The following WWOX variants were observed in gnomAD, a reference collection of about 807,000 sequenced individuals.
WWOX encodes the protein WW domain containing oxidoreductase.
In WWOX, 69 loss-of-function variants were observed where a neutral mutation model predicts 46.2. The ratio of observed to expected loss-of-function variants is 1.49; its 90% CI spans 1.23 to 1.82. WWOX has a LOEUF of 1.82. Among genes scored for constraint, WWOX ranks in the 40% most tolerant of loss-of-function variants. The pLI, the probability that WWOX is intolerant of heterozygous loss-of-function variation, is 0.00. For missense variants in WWOX, 919 were observed against 542.6 expected, an observed-to-expected ratio of 1.69 and a Z score of -6.89; for synonymous variants, 359 against 202.6, an observed-to-expected ratio of 1.77 and a Z score of -6.56.
chr16:78,962,296 G>A (rs1293332153), intron 8 of WWOX, among the ~76,000 whole-genome samples: 12 of 89,094 alleles, frequency 1.3e-4, no homozygotes, highest in African/African-American at 5.0e-4. Flanking sequence ...GAGTCAGCAA[G>A]GCATCCTTTT....
At chr16:79,096,173 C>A (rs566228671) in intron 8 of WWOX, among the ~76,000 whole-genome samples, 2 of 151,986 alleles carry the variant, frequency 1.3e-5, no homozygotes, top group Non-Finnish European at 2.9e-5. Context: ...TGACCACAGT[C>A]CTTTCTTTTA....
intron 8 of WWOX, among the ~76,000 whole-genome samples, chr16:78,676,034 T>G (rs1448188872): frequency 1.3e-5 from 2 of 151,984 alleles, no homozygotes; most frequent in Non-Finnish European, 2.9e-5. Flanking sequence ...TTTTTTAGCT[T>G]CTTCTCCGCT....
chr16:78,229,468 C>CTCTT (rs936155865), intron 5 of WWOX, among the ~76,000 whole-genome samples: 9 of 145,404 alleles, frequency 6.2e-5, no homozygotes, highest in African/African-American at 2.3e-4. Flanking sequence ...TGTTTTATCT[C>CTCTT]TCTCTATATG....
intron 8 of WWOX, among the ~76,000 whole-genome samples, chr16:78,650,765 C>T (rs1334971472): frequency 1.3e-5 from 2 of 152,138 alleles, no homozygotes; most frequent in East Asian, 1.9e-4. Flanking sequence ...GTTTCCATGC[C>T]ATGTCTCCCC....
intron 8 of WWOX, among the ~76,000 whole-genome samples, chr16:78,606,637 A>G (rs955677460): frequency 4.0e-5 from 6 of 151,892 alleles, no homozygotes; most frequent in Non-Finnish European, 7.4e-5. Context: ...AGTGACACGA[A>G]GTTGAATATG....
intron 8 of WWOX, among the ~76,000 whole-genome samples, chr16:78,617,786 C>A (rs1001078212): frequency 2.6e-5 from 4 of 152,120 alleles, no homozygotes; most frequent in Non-Finnish European, 4.4e-5. Flanking sequence ...CCACATGTTG[C>A]CTCCAGCATC....
intron 8 of WWOX, among the ~76,000 whole-genome samples, chr16:79,193,049 G>A (rs1246811005): frequency 6.6e-6 from 1 of 152,234 alleles, no homozygotes; most frequent in Non-Finnish European, 1.5e-5. Flanking sequence ...AACTGCCAAA[G>A]AGTTGCCAAT....
intron 8 of WWOX, among the ~76,000 whole-genome samples, chr16:78,745,970 G>C (rs1444105118): frequency 6.6e-6 from 1 of 152,064 alleles, no homozygotes; most frequent in African/African-American, 2.4e-5. Context: ...CTATGAACTG[G>C]AACCCTGCAC....
At chr16:78,892,518 A>G (rs1251768745) in intron 8 of WWOX, among the ~76,000 whole-genome samples, 3 of 152,212 alleles carry the variant, frequency 2.0e-5, no homozygotes, top group East Asian at 1.9e-4. Context: ...ACACATGTCA[A>G]GAAGTGGGAG....
At chr16:78,724,925 T>G (rs1433738962) in intron 8 of WWOX, among the ~76,000 whole-genome samples, 1 of 152,170 alleles carries the variant, frequency 6.6e-6, no homozygotes. Context: ...TAGTAGTGAT[T>G]CCAGGTACGT....
rs180953099 is a variant in WWOX at position 78,923,885 on chromosome 16, C to T, written c.1057-287723C>T. Among the ~76,000 whole-genome samples the T allele has an allele frequency of 2.8e-3, 423 of 150,230 alleles. 2 individuals are homozygous for T. Among genetic ancestry groups the T allele is most frequent in the African/African-American group, 9.7e-3 (396 of 40,694 alleles). On this transcript the variant is annotated intron_variant, in intron 8 of 8. Transcript: ENST00000566780. The stretch of plus-strand genomic sequence containing the variant: ...CGCGATCTCGGTTCACTGCAACCTC[C>T]GCCTCCTGGGTTCATGCCATTCTCC...
rs371970103 is a variant in WWOX, at chr16:78,590,182, TAAA to T, written c.1056+157435_1056+157437del. Among the ~76,000 whole-genome samples, 61 of 142,406 alleles carry T rather than the reference TAAA, an allele frequency of 4.3e-4. No individual in the cohort carries two copies. The East Asian group carries it at 7.6e-3, about 18-fold the overall frequency. The allele number at this position is 142,406 out of a possible 152,430, so 93.4% of individuals were successfully genotyped here. Reference sequence around the variant, plus strand: ...TCTCTCTGTTTATTATAGATAGAAATAAAAAAATTATAAATAGAAATTTATTTC... The same window carrying T: ...TCTCTCTGTTTATTATAGATAGAAATAAAATTATAAATAGAAATTTATTTC... On this transcript the variant is annotated intron_variant, in intron 8 of 8. Coordinates refer to ENST00000566780, the MANE Select transcript of WWOX (RefSeq NM_016373.4).
At chr16:78,559,323 G>A (rs1442607425) in intron 8 of WWOX, among the ~76,000 whole-genome samples, 1 of 152,212 alleles carries the variant, frequency 6.6e-6, no homozygotes, top group Non-Finnish European at 1.5e-5. Flanking sequence ...ACTGGTAGCA[G>A]GTGGGCTCCT....
chr16:78,687,977 TG>T (rs1159507667), intron 8 of WWOX, among the ~76,000 whole-genome samples: 2 of 152,190 alleles, frequency 1.3e-5, no homozygotes, highest in Non-Finnish European at 2.9e-5. Context: ...GTGGTACAAA[TG>T]AACTTGCTAC....
intron 8 of WWOX, among the ~76,000 whole-genome samples, chr16:79,042,728 G>GTTTTTTTTT (rs11379084): frequency 1.4e-5 from 2 of 143,124 alleles, no homozygotes. Flanking sequence ...AATACTCAGG[G>GTTTTTTTTT]TTTTTTTTTT....
chr16:78,313,745 T>A (rs564497856), intron 5 of WWOX, among the ~76,000 whole-genome samples: 19 of 152,314 alleles, frequency 1.2e-4, no homozygotes, highest in African/African-American at 4.6e-4. Flanking sequence ...AGTCCCCTTG[T>A]CTACATTTTG....
chr16:78,933,300 A>G (rs542159427), intron 8 of WWOX, among the ~76,000 whole-genome samples: 4 of 152,332 alleles, frequency 2.6e-5, no homozygotes, highest in South Asian at 2.1e-4. Context: ...TTAGCTGAGC[A>G]TGGTGTCACA....
intron 8 of WWOX, among the ~76,000 whole-genome samples, chr16:78,467,552 C>A (rs1479765964): frequency 6.6e-6 from 1 of 152,086 alleles, no homozygotes; most frequent in Admixed American, 6.5e-5. Flanking sequence ...TGTAATGTCT[C>A]TTGAATGGTC....
chr16:78,737,581 C>A (rs911535106), intron 8 of WWOX, among the ~76,000 whole-genome samples: 2 of 152,174 alleles, frequency 1.3e-5, no homozygotes, highest in African/African-American at 2.4e-5. Flanking sequence ...TTATTCCTCA[C>A]CCTACTCCCA....
Sources: gnomAD v4.1 joint callset for allele counts (sites outside exome capture counted in the v4.1 genomes callset) on GRCh38, gnomAD v4.1.1 for gene constraint, MANE v1.5 for transcripts, NCBI Gene and HGNC (gene_info 2026-07-23, HGNC 2026-07-21) for gene names.